TAPT1: variants seen among roughly 807,000 people sequenced by gnomAD.
TAPT1 encodes the protein transmembrane anterior posterior transformation protein 1 homolog.
A neutral mutation model predicts 65.6 loss-of-function variants in TAPT1; 28 were observed. That is an observed-to-expected ratio of 0.43 (90% CI 0.32 to 0.59). The LOEUF (loss-of-function observed/expected upper bound fraction) is 0.59, where lower values mean the gene tolerates loss of function less well. Among genes scored for constraint, TAPT1 ranks in the 20% least tolerant of loss-of-function variants. The pLI, the probability that TAPT1 is intolerant of heterozygous loss-of-function variation, is 0.09. For missense variants in TAPT1, 563 were observed against 679.9 expected, an observed-to-expected ratio of 0.83 and a Z score of 1.91; for synonymous variants, 278 against 245.2, an observed-to-expected ratio of 1.13 and a Z score of -1.25.
At chr4:16,226,817 G>A (rs1017165141), upstream of TAPT1, 2 of 168,774 alleles carry the variant, frequency 1.2e-5, no homozygotes, top group African/African-American at 4.8e-5. Flanking sequence ...GGCAGGAGCG[G>A]GCCGGGGATG....
intron 1 of TAPT1, among the ~76,000 whole-genome samples, chr4:16,221,062 A>T (rs1751225560): frequency 6.6e-6 from 1 of 151,250 alleles, no homozygotes; most frequent in Non-Finnish European, 1.5e-5. Flanking sequence ...ATATGAGGAA[A>T]ATAATACCAA....
At chr4:16,163,632 C>T in intron 13 of TAPT1, 95 bp from the exon 14 acceptor site, 1 of 926,866 alleles carries the variant, frequency 1.1e-6, no homozygotes. Context: ...AAAAAAGTGC[C>T]CATTATCCAT....
chr4:16,179,070 A>G (rs765956100), intron 8 of TAPT1: 22 of 152,632 alleles, frequency 1.4e-4, no homozygotes, highest in African/African-American at 4.6e-4. Flanking sequence ...AATCCATTCT[A>G]CTGAAACAGG....
intron 3 of TAPT1, among the ~76,000 whole-genome samples, chr4:16,193,182 T>A (rs1306662194): frequency 6.6e-6 from 1 of 152,214 alleles, no homozygotes; most frequent in East Asian, 1.9e-4. Flanking sequence ...ACAAATTCTG[T>A]GAAGACTGTT....
chr4:16,212,534 T>C (rs534662804), intron 2 of TAPT1, among the ~76,000 whole-genome samples: 18 of 152,318 alleles, frequency 1.2e-4, no homozygotes, highest in East Asian at 7.7e-4. Context: ...TAAATCTCAA[T>C]GTATAAGACA....
intron 12 of TAPT1, among the ~76,000 whole-genome samples, chr4:16,170,444 T>C (rs1436173225): frequency 1.3e-5 from 2 of 152,230 alleles, no homozygotes; most frequent in African/African-American, 4.8e-5. Flanking sequence ...AAAATTAAAA[T>C]AAAATCTAAA....
intron 3 of TAPT1, among the ~76,000 whole-genome samples, chr4:16,194,858 T>TGTCCTCCTCCTCCTCCTCCTCC (rs1749593850): frequency 9.2e-6 from 1 of 108,192 alleles, no homozygotes; most frequent in African/African-American, 4.3e-5. Flanking sequence ...TCTTGATTTC[T>TGTCCTCCTCCTCCTCCTCCTCC]GTCTTCTTCT....
chr4:16,189,863 T>C (rs944118611), intron 4 of TAPT1, among the ~76,000 whole-genome samples: 1 of 152,202 alleles, frequency 6.6e-6, no homozygotes, highest in East Asian at 1.9e-4. Context: ...CCTCGCACTT[T>C]CCAGTGTCCT....
chr4:16,185,116 C>G (rs1376460648), intron 7 of TAPT1, among the ~76,000 whole-genome samples: 2 of 151,728 alleles, frequency 1.3e-5, no homozygotes, highest in Non-Finnish European at 2.9e-5. Context: ...GGGTTATGAA[C>G]CACTATGAAT....
intron 1 of TAPT1, among the ~76,000 whole-genome samples, chr4:16,216,631 T>C (rs1047608933): frequency 1.3e-5 from 2 of 152,232 alleles, no homozygotes; most frequent in African/African-American, 4.8e-5. Context: ...AGGGCCAATC[T>C]TGACAATCCC....
chr4:16,220,345 T>A (rs1310826373), intron 1 of TAPT1, among the ~76,000 whole-genome samples: 1 of 152,228 alleles, frequency 6.6e-6, no homozygotes, highest in Non-Finnish European at 1.5e-5. Context: ...ATGCCAAACA[T>A]CTACCTCTAC....
Position 16,196,212 on chromosome 4 carries a change from A to T in TAPT1, c.450-4689T>A, listed in dbSNP as rs921454622. Among the ~76,000 whole-genome samples the T allele has an allele frequency of 2.6e-5, 4 of 152,282 alleles. No individual in the cohort carries two copies. In the South Asian group the frequency reaches 8.3e-4, roughly 32 times the overall value. ...ATCTTCAGTTTGACTCATATGTAAC[A>T]GAAAAATAAATACTTAAACGGAATG... On this transcript the variant is annotated intron_variant, in intron 3 of 13. Coordinates refer to ENST00000405303, the MANE Select transcript of TAPT1 (RefSeq NM_153365.3).
At position 16,161,933 on chromosome 4, in the gene TAPT1, C is replaced by T. The variant is rs961904828; in HGVS notation, c.*1375G>A. 3.3e-5 allele frequency: 5 copies of T among 152,160 alleles called. No individual in the cohort carries two copies. The highest frequency in any genetic ancestry group is 9.7e-5 in the African/African-American group (4 of 41,422). The allele number at this position is 152,160 out of a possible 1,614,324, so 9.4% of individuals were successfully genotyped here. ...CAAAGGAAATAACAGTTAACAGTACCATCTTCTGGACAGTTCTGACACCAG... is the reference window on the plus strand; with the variant it reads ...CAAAGGAAATAACAGTTAACAGTACTATCTTCTGGACAGTTCTGACACCAG... On this transcript the variant is annotated 3_prime_UTR_variant, in exon 14 of 14. Transcript: ENST00000405303.
intron 1 of TAPT1, among the ~76,000 whole-genome samples, chr4:16,215,503 A>G (rs1415114510): frequency 6.6e-6 from 1 of 152,196 alleles, no homozygotes; most frequent in African/African-American, 2.4e-5. Flanking sequence ...ACATACACAT[A>G]CACACTTCTT....
chr4:16,178,569 C>T (rs1748498692), intron 8 of TAPT1, among the ~76,000 whole-genome samples: 1 of 152,196 alleles, frequency 6.6e-6, no homozygotes, highest in South Asian at 2.1e-4. Flanking sequence ...CCACTTAGCT[C>T]ACTTAGCATT....
chr4:16,172,435 C>T (rs955705319), intron 11 of TAPT1, among the ~76,000 whole-genome samples: 16 of 151,784 alleles, frequency 1.1e-4, no homozygotes, highest in African/African-American at 3.1e-4. Context: ...TAAACAAATG[C>T]GGAAATATTT....
chr4:16,196,721 G>C lies in TAPT1; in HGVS notation c.450-5198C>G, dbSNP rs765647911. ...AGGAAGTGAAAGTGCTCCTCCCTTC[G>C]GTCTGATTTACGAGAGAGAAAGAAA... is the stretch of plus-strand genomic sequence containing the variant. On this transcript the variant is annotated intron_variant, in intron 3 of 13. Transcript: ENST00000405303. 5 of 1,285,484 alleles carry C rather than the reference G, an allele frequency of 3.9e-6. No individual in the cohort carries two copies. In the South Asian group the frequency reaches 4.9e-5, roughly 13 times the overall value. 79.6% of individuals were successfully genotyped at this position (1,285,484 alleles called of 1,614,324 possible).
intron 7 of TAPT1, among the ~76,000 whole-genome samples, chr4:16,182,396 A>G (rs1748761588): frequency 6.6e-6 from 1 of 152,178 alleles, no homozygotes; most frequent in Non-Finnish European, 1.5e-5. Context: ...AATTTCTAGG[A>G]ATGTTTTCTC....
chr4:16,198,095 G>C (rs1749820981), intron 3 of TAPT1, among the ~76,000 whole-genome samples: 1 of 152,148 alleles, frequency 6.6e-6, no homozygotes. Flanking sequence ...CACCCTGCTG[G>C]ATGAGCCATC....
Sources: allele counts gnomAD v4.1 joint callset (sites outside exome capture counted in the v4.1 genomes callset), GRCh38; gene constraint gnomAD v4.1.1; transcripts MANE v1.5; gene names NCBI Gene and HGNC (gene_info 2026-07-23, HGNC 2026-07-21).